The following SHC1 variants were observed in gnomAD, a reference collection of about 807,000 sequenced individuals.
The protein encoded by SHC1 is SHC-transforming protein 1.
SHC1 carries 30 observed loss-of-function variants against 55.9 expected under a neutral mutation model. The ratio of observed to expected loss-of-function variants is 0.54; its 90% confidence interval spans 0.40 to 0.73. The LOEUF is 0.73. SHC1 is among the 30% of genes least tolerant of loss of function. SHC1 has a pLI of 0.00. For synonymous variants in SHC1, 309 were observed against 306.1 expected (o/e 1.01, Z -0.10); for missense variants, 675 against 777.1 (o/e 0.87, Z 1.56).
chr1:154,965,751 G>A lies in SHC1; in HGVS notation c.1418C>T (p.Pro473Leu). ...KPFEDALRVP[P>L]PPQSVSMAEQ... ...AGCCATGGACACCGACTGGGGAGGT[G>A]GAGGCACGCGAAGAGCATCTTCGAA... The change falls in exon 11 of 12, where the codon CCA becomes CTA. Residue 473 changes from proline to leucine, a missense_variant. Pro to Leu is a moderately conservative substitution (Grantham distance 98, BLOSUM62 -3). Coordinates refer to ENST00000448116, the MANE Select transcript of SHC1 (RefSeq NM_001130040.2). The A allele has an allele frequency of 6.2e-7, 1 of 1,613,860 alleles. No homozygotes were observed.
At position 154,965,761 on chromosome 1, in the gene SHC1, G is replaced by A. The variant is rs375904762; in HGVS notation, c.1408C>T (p.Arg470Cys). ...ACCGACTGGGGAGGTGGAGGCACGC[G>A]AAGAGCATCTTCGAAGGGCTCTGGA... is the stretch of plus-strand genomic sequence containing the variant. ...FDMKPFEDAL[R>C]VPPPPQSVSM... is the part of the protein sequence containing the mutation. Residue 470 changes from arginine to cysteine, a missense_variant, in exon 11 of 12, where the codon CGC becomes TGC. Coordinates refer to ENST00000448116, the MANE Select transcript of SHC1 (RefSeq NM_001130040.2). The A allele has an allele frequency of 1.4e-5, 23 of 1,613,284 alleles. No homozygotes were observed. The highest frequency in any genetic ancestry group is 8.0e-5 in the African/African-American group (6 of 74,888).
At position 154,966,304 on chromosome 1, in the gene SHC1, A is replaced by G. The variant is rs201346950; in HGVS notation, c.1182+15T>C. 6 of 1,612,972 alleles carry G rather than the reference A, an allele frequency of 3.7e-6. No homozygotes were observed. In the East Asian group the frequency reaches 6.7e-5, roughly 18 times the overall value. The stretch of plus-strand genomic sequence containing the variant: ...CCCACCCTAGCCCCAGCCCGCCTCC[A>G]TCCAAGCAACTTACCAATGTAGCTC... On this transcript the variant is annotated intron_variant, in intron 8 of 11. Coordinates refer to ENST00000448116, the MANE Select transcript of SHC1 (RefSeq NM_001130040.2).
intron 10 of SHC1, 62 bp downstream of exon 10, chr1:154,965,884 G>A: frequency 6.3e-7 from 1 of 1,580,704 alleles, no homozygotes; most frequent in South Asian, 1.2e-5. Context: ...CAGATAGGCA[G>A]GAGAAGGGCC....
chr1:154,965,824 C>T, intron 10 of SHC1, 43 bp from the exon 11 acceptor site: 1 of 1,587,606 alleles, frequency 6.3e-7, no homozygotes, highest in South Asian at 1.1e-5. Context: ...GCAGGCACAA[C>T]ACACACCCAA....
Position 154,963,839 on chromosome 1 carries a change from T to C in SHC1, c.1719A>G (p.Glu573=). The C allele has an allele frequency of 6.2e-7, 1 of 1,614,144 alleles. No individual in the cohort carries two copies. The highest frequency in any genetic ancestry group is 8.5e-7 in the Non-Finnish European group (1 of 1,180,006). The change falls in exon 12 of 12, where the codon GAA becomes GAG. Residue 573 remains glutamate (E), a synonymous_variant. Coordinates refer to ENST00000448116, the MANE Select transcript of SHC1 (RefSeq NM_001130040.2). ...GCTCCACAGGTTGCTGTAGACACAG[T>C]TCGCTGCCCGCAGAGATGATGGGCA... is the stretch of plus-strand genomic sequence containing the variant. ...NHLPIISAGS[E]LCLQQPVERK...
upstream of SHC1, among the ~76,000 whole-genome samples, chr1:154,973,944 G>A (rs141813329): frequency 1.6e-3 from 251 of 152,240 alleles, 4 homozygotes; most frequent in East Asian, 0.046. Context: ...GTTAGCCGAG[G>A]ATCGTTGCTA....
chr1:154,970,173 G>A lies in SHC1; in HGVS notation c.354C>T (p.Gly118=), dbSNP rs762798440. 4.3e-6 allele frequency: 7 copies of A among 1,613,454 alleles called. No homozygotes were observed. Among genetic ancestry groups the A allele is most frequent in the Admixed American group, 1.7e-5 (1 of 59,998 alleles). The stretch of plus-strand genomic sequence containing the variant: ...CCCCTTCCACCCGAGTCCTGCGCCC[G>A]CCGCCTCCACTCAGCTTGTTCATGT... ...LQDMNKLSGG[G]GRRTRVEGGQ... Residue 118 remains glycine (G), a synonymous_variant, in exon 1 of 12, where the codon GGC becomes GGT. Transcript: ENST00000448116. The surrounding 1 kb of genome is among the most constrained non-coding windows in gnomAD (Gnocchi z 5.5).
Position 154,968,585 on chromosome 1 carries a change from C to A in SHC1, c.660G>T (p.Leu220=). 6.2e-7 allele frequency: 1 copy of A among 1,614,100 alleles called. No homozygotes were observed. The highest frequency in any genetic ancestry group is 1.1e-5 in the South Asian group (1 of 91,090). ...KPCSRPLSSI[L]GRSNLKFAGM... ...CAGCAAATTTCAGGTTACTCCTCCC[C>A]AGGATAGAGCTGAGCGGGCGGCTAC... The change falls in exon 4 of 12, where the codon CTG becomes CTT. Residue 220 remains leucine, a synonymous_variant. Coordinates refer to ENST00000448116, the MANE Select transcript of SHC1 (RefSeq NM_001130040.2).
chr1:154,963,729 AC>A lies in SHC1; in HGVS notation c.*73del. On this transcript the variant is annotated 3_prime_UTR_variant, in exon 12 of 12. Transcript: ENST00000448116. Reference sequence around the variant, plus strand: ...GGCCAAGCCCACAGAACACTCCCAAACGAGGTCCCGAGAGTTAGGGAATAGG... The same window carrying A: ...GGCCAAGCCCACAGAACACTCCCAAAGAGGTCCCGAGAGTTAGGGAATAGG... 1 of 1,544,962 alleles carries A rather than the reference AC, an allele frequency of 6.5e-7. No individual in the cohort carries two copies. The highest frequency in any genetic ancestry group is 8.9e-7 in the Non-Finnish European group (1 of 1,127,696).
chr1:154,972,540 AACAC>A (rs1656845088), upstream of SHC1, among the ~76,000 whole-genome samples: 1 of 152,120 alleles, frequency 6.6e-6, no homozygotes, highest in Non-Finnish European at 1.5e-5. Context: ...AAAACACACA[AACAC>A]ACACTAGGAT....
chr1:154,970,982 G>A (rs1162923696), upstream of SHC1, among the ~76,000 whole-genome samples: 1 of 152,158 alleles, frequency 6.6e-6, no homozygotes, highest in Non-Finnish European at 1.5e-5. This position sits in a 1 kb window ranked among gnomAD's most constrained non-coding sequence, Gnocchi z 5.5. Flanking sequence ...TGGGAGGGAA[G>A]GATGGAAGAG....
chr1:154,963,519 C>A lies in SHC1; in HGVS notation c.*284G>T. 6.0e-6 allele frequency: 2 copies of A among 333,736 alleles called. No individual in the cohort carries two copies. The highest frequency in any genetic ancestry group is 5.7e-6 in the Non-Finnish European group (1 of 175,776). 20.7% of individuals were successfully genotyped at this position (333,736 alleles called of 1,614,324 possible). A position where few individuals can be genotyped will look rare whatever the true frequency, so the allele number is the denominator to read the frequency against. On this transcript the variant is annotated 3_prime_UTR_variant, in exon 12 of 12. Transcript: ENST00000448116. ...GACATTTTCCATGACAAGCACTCAC[C>A]TTCTTGGGGAAGGGGCATCAGGTTG...
rs754839767 is a variant in SHC1 at position 154,965,544 on chromosome 1, A to G, written c.1625T>C (p.Val542Ala). ...KHLLLVDPEGVVRTKDHRFES... is the reference protein window; with the variant it reads ...KHLLLVDPEGAVRTKDHRFES... Reference sequence around the variant, plus strand: ...CACCCACACCTCTGCCACACTCACCACACCCTCAGGGTCCACCAGTAGCAA... The same window carrying G: ...CACCCACACCTCTGCCACACTCACCGCACCCTCAGGGTCCACCAGTAGCAA... The change falls in exon 11 of 12, where the codon GTG becomes GCG. Residue 542 changes from valine to alanine, a missense_variant and splice_region_variant. This residue lies in a region of SHC1 where 360 missense variants were observed against 371.1 expected (regional missense o/e 0.97). Coordinates refer to ENST00000448116, the MANE Select transcript of SHC1 (RefSeq NM_001130040.2). 2.6e-5 allele frequency: 42 copies of G among 1,613,952 alleles called. No individual in the cohort carries two copies. Among genetic ancestry groups the G allele is most frequent in the Non-Finnish European group, 3.2e-5 (38 of 1,180,014 alleles).
chr1:154,968,691 C>A (rs963295374), intron 3 of SHC1, 77 bp from the exon 4 acceptor site: 2 of 1,609,078 alleles, frequency 1.2e-6, no homozygotes, highest in African/African-American at 2.7e-5. Flanking sequence ...CTGGCCCTCT[C>A]CCCACATGCC....
chr1:154,970,904 G>T (rs571618024), upstream of SHC1, among the ~76,000 whole-genome samples: 1 of 152,262 alleles, frequency 6.6e-6, no homozygotes, highest in East Asian at 1.9e-4. This position sits in a 1 kb window ranked among gnomAD's most constrained non-coding sequence, Gnocchi z 5.5. Flanking sequence ...CAGGGGGTAG[G>T]GCTATCCAAG....
chr1:154,969,983 A>T, intron 1 of SHC1, 49 bp downstream of exon 1: 2 of 1,602,590 alleles, frequency 1.2e-6, no homozygotes, highest in Non-Finnish European at 1.7e-6. Context: ...AGTGAGCATT[A>T]GAACTGGAGG....
rs372095564 is a variant in SHC1 at position 154,970,411 on chromosome 1, G to A, written c.116C>T (p.Ala39Val). 4.4e-6 allele frequency: 7 copies of A among 1,605,266 alleles called. No individual in the cohort carries two copies. The highest frequency in any genetic ancestry group is 6.0e-6 in the Non-Finnish European group (7 of 1,176,278). The change falls in exon 1 of 12, where the codon GCT becomes GTT. Residue 39 changes from alanine to valine, a missense_variant. Ala to Val is a moderately conservative substitution (Grantham distance 64). Coordinates refer to ENST00000448116, the MANE Select transcript of SHC1 (RefSeq NM_001130040.2). The surrounding 1 kb of genome is among the most constrained non-coding windows in gnomAD (Gnocchi z 5.5). ...AGGCAGGATGGGCCCCAGGGATGAAGCTGATGGGGAAGGCAGCTCCTCCGG... is the reference window on the plus strand; with the variant it reads ...AGGCAGGATGGGCCCCAGGGATGAAACTGATGGGGAAGGCAGCTCCTCCGG... ...TPPEELPSPS[A>V]SSLGPILPPL...
In SHC1 at chr1:154,970,251, C is replaced by T; in HGVS notation, c.276G>A (p.Glu92=). 4 of 1,611,804 alleles carry T rather than the reference C, an allele frequency of 2.5e-6. No homozygotes were observed. The highest frequency in any genetic ancestry group is 3.4e-6 in the Non-Finnish European group (4 of 1,178,610). The part of the protein sequence containing the change: ...GEPGRAADDG[E]GIVGAAMPDS... Reference sequence around the variant, plus strand: ...CTGGCATGGCTGCCCCTACGATCCCCTCCCCATCATCAGCTGCCCTTCCTG... The same window carrying T: ...CTGGCATGGCTGCCCCTACGATCCCTTCCCCATCATCAGCTGCCCTTCCTG... The change falls in exon 1 of 12, where the codon GAG becomes GAA. Residue 92 remains glutamate (E), a synonymous_variant. Transcript: ENST00000448116. The surrounding 1 kb of genome is among the most constrained non-coding windows in gnomAD (Gnocchi z 5.5).
chr1:154,964,034 G>T, intron 11 of SHC1, 103 bp from the exon 12 acceptor site: 1 of 1,284,668 alleles, frequency 7.8e-7, no homozygotes, highest in Non-Finnish European at 1.1e-6. Context: ...CTTGAAGGAG[G>T]AGAAAAAAAT....
Sources: gnomAD v4.1 joint callset for allele counts (sites outside exome capture counted in the v4.1 genomes callset) on GRCh38, gnomAD v4.1.1 for gene constraint, gnomAD v4.1.1 regional missense constraint, Gnocchi (gnomAD v3.1) non-coding constraint, MANE v1.5 for transcripts, NCBI Gene and HGNC (gene_info 2026-07-23, HGNC 2026-07-21) for gene names.